Variants in ADAMTSL1 observed in about 807,000 individuals in gnomAD.
ADAMTSL1 encodes ADAMTS-like protein 1.
In ADAMTSL1, 126 loss-of-function variants were observed where a neutral mutation model predicts 201.8. That is an observed-to-expected ratio of 0.62 (90% CI 0.54 to 0.72). The LOEUF is 0.72. ADAMTSL1 is among the 30% of genes least tolerant of loss of function. The pLI is 0.00. For synonymous variants in ADAMTSL1, 1,121 were observed against 903.4 expected, an observed-to-expected ratio of 1.24 and a Z score of -4.32; for missense variants, 2,679 against 2,277.8, an observed-to-expected ratio of 1.18 and a Z score of -3.59.
intron 1 of ADAMTSL1, among the ~76,000 whole-genome samples, chr9:18,000,232 G>T (rs566944424): frequency 1.3e-5 from 2 of 151,502 alleles, no homozygotes; most frequent in African/African-American, 4.8e-5. Flanking sequence ...CAGTGTAAAA[G>T]TGTTCCTATT....
rs141564559 is a variant in ADAMTSL1 at position 18,109,901 on chromosome 9, C to T, written c.88-53961C>T. Among the ~76,000 whole-genome samples the T allele has an allele frequency of 2.6e-3, 393 of 152,282 alleles. 1 individual carries two copies. Among genetic ancestry groups the T allele is most frequent in the African/African-American group, 8.5e-3 (355 of 41,560 alleles). ...AAGAGAGCAGAGTGACAGACTGATA[C>T]CATATGTTCTTTCATAAGCAGTATC... On this transcript the variant is annotated intron_variant, in intron 1 of 29. Coordinates refer to the ADAMTSL1 transcript ENST00000680146.
chr9:18,391,068 A>T (rs4961465), intron 2 of ADAMTSL1, among the ~76,000 whole-genome samples: 146,077 of 152,188 alleles, frequency 0.96, 70,384 homozygotes, highest in East Asian at 1. Flanking sequence ...CATGAGTGAG[A>T]GGGGTCTCTT....
At chr9:18,300,751 A>G (rs1406887348) in intron 2 of ADAMTSL1, among the ~76,000 whole-genome samples, 1 of 152,176 alleles carries the variant, frequency 6.6e-6, no homozygotes, top group Non-Finnish European at 1.5e-5. Context: ...GAAATTTCTG[A>G]GATTAAGGCA....
intron 1 of ADAMTSL1, among the ~76,000 whole-genome samples, chr9:18,033,751 C>G (rs755492189): frequency 6.6e-6 from 1 of 152,212 alleles, no homozygotes; most frequent in Non-Finnish European, 1.5e-5. Flanking sequence ...TATACTCATA[C>G]TATAATCAGC....
At chr9:18,743,449 T>A (rs1476962879) in intron 15 of ADAMTSL1, among the ~76,000 whole-genome samples, 2 of 152,036 alleles carry the variant, frequency 1.3e-5, no homozygotes, top group Non-Finnish European at 2.9e-5. Flanking sequence ...TTGACAAGAG[T>A]CATATGTAAT....
chr9:17,998,977 C>A (rs1819499391), intron 1 of ADAMTSL1, among the ~76,000 whole-genome samples: 1 of 151,966 alleles, frequency 6.6e-6, no homozygotes, highest in Non-Finnish European at 1.5e-5. Context: ...ACACTCTTTC[C>A]TCTAGATGAA....
At chr9:18,315,051 C>G (rs977149757) in intron 2 of ADAMTSL1, among the ~76,000 whole-genome samples, 12 of 151,884 alleles carry the variant, frequency 7.9e-5, no homozygotes, top group African/African-American at 2.9e-4. Context: ...CCGCCTCGGC[C>G]TCCCAAAGCA....
At chr9:18,344,826 A>G (rs1586931736) in intron 2 of ADAMTSL1, among the ~76,000 whole-genome samples, 1 of 152,148 alleles carries the variant, frequency 6.6e-6, no homozygotes, top group East Asian at 1.9e-4. Flanking sequence ...GAAAACTAAC[A>G]TTCAAGACTT....
intron 8 of ADAMTSL1, among the ~76,000 whole-genome samples, chr9:18,658,756 T>C (rs1026526464): frequency 6.6e-6 from 1 of 152,254 alleles, no homozygotes; most frequent in Non-Finnish European, 1.5e-5. Flanking sequence ...GCATTGAATT[T>C]CCCAATAATT....
At chr9:18,369,225 C>G (rs1014255852) in intron 2 of ADAMTSL1, among the ~76,000 whole-genome samples, 3 of 152,194 alleles carry the variant, frequency 2.0e-5, no homozygotes, top group African/African-American at 4.8e-5. Context: ...GTTGAACTCA[C>G]AACTCGACCT....
At chr9:18,800,142 T>G (rs1413593659) in intron 20 of ADAMTSL1, among the ~76,000 whole-genome samples, 1 of 152,014 alleles carries the variant, frequency 6.6e-6, no homozygotes, top group Non-Finnish European at 1.5e-5. Context: ...TTTGGGAGGC[T>G]GAGGCGGGCA....
intron 23 of ADAMTSL1, among the ~76,000 whole-genome samples, chr9:18,835,335 T>C (rs1460596061): frequency 1.3e-5 from 2 of 152,114 alleles, no homozygotes; most frequent in Admixed American, 1.3e-4. Context: ...TTATATCAAA[T>C]TTTCAGTGTT....
At chr9:18,429,614 A>G (rs1819392475) in intron 2 of ADAMTSL1, among the ~76,000 whole-genome samples, 1 of 152,168 alleles carries the variant, frequency 6.6e-6, no homozygotes. Context: ...CTTAAAATGC[A>G]GAGCAGCATT....
chr9:18,309,077 A>T (rs1834017970), intron 2 of ADAMTSL1, among the ~76,000 whole-genome samples: 1 of 152,204 alleles, frequency 6.6e-6, no homozygotes, highest in South Asian at 2.1e-4. Context: ...AAAACCAATG[A>T]CAAAAACCAC....
chr9:17,952,040 A>G (rs1827747840), intron 1 of ADAMTSL1, among the ~76,000 whole-genome samples: 1 of 151,464 alleles, frequency 6.6e-6, no homozygotes, highest in Admixed American at 6.6e-5. Flanking sequence ...GGTCTCAAGC[A>G]ATTTTCCCGC....
chr9:18,716,504 C>T (rs1203214014), intron 14 of ADAMTSL1, among the ~76,000 whole-genome samples: 1 of 151,776 alleles, frequency 6.6e-6, no homozygotes, highest in African/African-American at 2.4e-5. Flanking sequence ...CCATCACTGG[C>T]CATCAGAGAA....
At chr9:18,024,442 G>C (rs974784497) in intron 1 of ADAMTSL1, among the ~76,000 whole-genome samples, 1 of 151,848 alleles carries the variant, frequency 6.6e-6, no homozygotes, top group Non-Finnish European at 1.5e-5. Flanking sequence ...GTACTCCCTA[G>C]TGTCTATTGT....
At chr9:18,491,666 C>CAT (rs1297900974) in intron 1 of ADAMTSL1, among the ~76,000 whole-genome samples, 1 of 152,106 alleles carries the variant, frequency 6.6e-6, no homozygotes, top group Admixed American at 6.6e-5. Context: ...TAGTCCTTCC[C>CAT]ATATATACAA....
At chr9:18,381,548 C>A (rs1486133230) in intron 2 of ADAMTSL1, among the ~76,000 whole-genome samples, 1 of 152,062 alleles carries the variant, frequency 6.6e-6, no homozygotes, top group Admixed American at 6.5e-5. Flanking sequence ...GTGACATAAT[C>A]CCACATTGCT....
Sources: gnomAD v4.1 joint callset for allele counts (sites outside exome capture counted in the v4.1 genomes callset) on GRCh38, gnomAD v4.1.1 for gene constraint, MANE v1.5 for transcripts, NCBI Gene and HGNC (gene_info 2026-07-23, HGNC 2026-07-21) for gene names.